The following SLC25A12 variants were observed in gnomAD, a reference collection of about 807,000 sequenced individuals.
SLC25A12 encodes solute carrier family 25 member 12.
Under a neutral mutation model 83.3 loss-of-function variants are expected in SLC25A12, and 32 were observed. That is an observed-to-expected ratio of 0.38 (90% CI 0.29 to 0.52). The LOEUF (loss-of-function observed/expected upper bound fraction) is 0.52. Among genes scored for constraint, SLC25A12 ranks in the 20% least tolerant of loss-of-function variants. SLC25A12 has a pLI of 0.84. For synonymous variants in SLC25A12, 267 were observed against 291.1 expected, an observed-to-expected ratio of 0.92 and a Z score of 0.84; for missense variants, 611 against 835.6, an observed-to-expected ratio of 0.73 and a Z score of 3.31.
In SLC25A12 at chr2:171,826,856, C is replaced by G; in HGVS notation, c.872G>C (p.Arg291Thr). 10 of 1,610,374 alleles carry G rather than the reference C, an allele frequency of 6.2e-6. No homozygotes were observed. The highest frequency in any genetic ancestry group is 7.6e-6 in the Non-Finnish European group (9 of 1,176,906). Reference sequence around the variant, plus strand: ...GGCCCCCTCAGCCAATGGGGCTATTCTCTCAATATCTGCCAAAGTCAAGCG... The same window carrying G: ...GGCCCCCTCAGCCAATGGGGCTATTGTCTCAATATCTGCCAAAGTCAAGCG... ...SGRLTLADIE[R>T]IAPLAEGALP... is the part of the protein sequence containing the mutation. Residue 291 changes from arginine (R) to threonine (T), a missense_variant, in exon 9 of 18, where the codon AGA becomes ACA. Transcript: ENST00000422440.
In SLC25A12 at chr2:171,785,112, A is replaced by C; in HGVS notation, c.*162T>G. ...AGCGTTGTGGTTTTTTCCCTGGGCA[A>C]ATGATTATTTTATAAACAAGTATAT... On this transcript the variant is annotated 3_prime_UTR_variant, in exon 18 of 18. Coordinates refer to ENST00000422440, the MANE Select transcript of SLC25A12 (RefSeq NM_003705.5). 1.5e-6 allele frequency: 1 copy of C among 685,300 alleles called. No homozygotes were observed. Among genetic ancestry groups the C allele is most frequent in the Non-Finnish European group, 2.5e-6 (1 of 392,736 alleles). 42.5% of individuals were successfully genotyped at this position (685,300 alleles called of 1,614,324 possible). A position where few individuals can be genotyped will look rare whatever the true frequency, so the allele number is the denominator to read the frequency against.
intron 8 of SLC25A12, among the ~76,000 whole-genome samples, chr2:171,833,701 CCCCTTTCCTT>C (rs1684496198): frequency 6.6e-6 from 1 of 152,062 alleles, no homozygotes; most frequent in Admixed American, 6.6e-5. Context: ...TCTCTTCCCT[CCCCTTTCCTT>C]CCCTTTCTTT....
intron 5 of SLC25A12, among the ~76,000 whole-genome samples, chr2:171,838,593 C>T (rs78894991): frequency 1.3e-5 from 2 of 152,248 alleles, no homozygotes; most frequent in South Asian, 4.1e-4. Context: ...ACAATTTAGC[C>T]TTATTAATAA....
chr2:171,837,281 A>T lies in SLC25A12; in HGVS notation c.466-14T>A, dbSNP rs1684579933. The T allele has an allele frequency of 6.2e-7, 1 of 1,613,948 alleles. No homozygotes were observed. The highest frequency in any genetic ancestry group is 8.5e-7 in the Non-Finnish European group (1 of 1,179,870). On this transcript the variant is annotated splice_polypyrimidine_tract_variant and intron_variant, in intron 5 of 17. Transcript: ENST00000422440. ...CAATTGCAGCTCCTGTGAGGAAATTAGAAATAGGGCATTAAGCTGGTTAAA... is the reference window on the plus strand; with the variant it reads ...CAATTGCAGCTCCTGTGAGGAAATTTGAAATAGGGCATTAAGCTGGTTAAA...
intron 3 of SLC25A12, among the ~76,000 whole-genome samples, chr2:171,867,848 T>A (rs191624708): frequency 8.3e-4 from 127 of 152,282 alleles, no homozygotes; most frequent in Middle Eastern, 3.4e-3. Context: ...AAATTTTTTT[T>A]AAATACATTT....
chr2:171,827,437 C>T (rs1030848793), intron 8 of SLC25A12, among the ~76,000 whole-genome samples: 55 of 151,800 alleles, frequency 3.6e-4, no homozygotes, highest in African/African-American at 1.3e-3. Flanking sequence ...TCTTCATTTG[C>T]GTAGGATGTA....
At chr2:171,804,069 G>C (rs1375034088) in intron 13 of SLC25A12, among the ~76,000 whole-genome samples, 1 of 151,948 alleles carries the variant, frequency 6.6e-6, no homozygotes, top group Non-Finnish European at 1.5e-5. Flanking sequence ...TAAGTCAAAA[G>C]GTAGAAACAA....
At chr2:171,851,174 A>ATGTT (rs1684919568) in intron 4 of SLC25A12, among the ~76,000 whole-genome samples, 1 of 151,634 alleles carries the variant, frequency 6.6e-6, no homozygotes, top group African/African-American at 2.4e-5. Context: ...AACAGACAAC[A>ATGTT]GTTTGTTGTG....
chr2:171,878,090 T>C (rs1057233393), intron 2 of SLC25A12, among the ~76,000 whole-genome samples: 19 of 152,300 alleles, frequency 1.2e-4, no homozygotes, highest in African/African-American at 3.4e-4. Context: ...TTTGCATTCA[T>C]TTTGAAACTG....
At chr2:171,855,095 T>C (rs905836533) in intron 4 of SLC25A12, among the ~76,000 whole-genome samples, 4 of 152,228 alleles carry the variant, frequency 2.6e-5, no homozygotes, top group Non-Finnish European at 5.9e-5. Context: ...GGGGCAGTGC[T>C]CAAGGTCCTT....
chr2:171,823,063 C>T (rs1684225827), intron 9 of SLC25A12, among the ~76,000 whole-genome samples: 2 of 152,180 alleles, frequency 1.3e-5, no homozygotes, highest in Non-Finnish European at 2.9e-5. Context: ...ATGTTAAAAA[C>T]TGAGTCACTA....
At chr2:171,846,762 C>T (rs193131142) in intron 4 of SLC25A12, among the ~76,000 whole-genome samples, 5 of 152,122 alleles carry the variant, frequency 3.3e-5, no homozygotes, top group Admixed American at 1.3e-4. Context: ...GCCAAGATTG[C>T]GCCACTGCAC....
Position 171,864,104 on chromosome 2 carries a change from C to T in SLC25A12, c.209+4577G>A, listed in dbSNP as rs146563578. Among the ~76,000 whole-genome samples, 48 of 152,322 alleles carry T rather than the reference C, an allele frequency of 3.2e-4. No homozygotes were observed. In the East Asian group the frequency reaches 9.1e-3, roughly 29 times the overall value. Reference sequence around the variant, plus strand: ...ATAGCTACCTAAATTGATTCTATTGCATGCGAGTCTTGTCCCATTCCAACC... The same window carrying T: ...ATAGCTACCTAAATTGATTCTATTGTATGCGAGTCTTGTCCCATTCCAACC... On this transcript the variant is annotated intron_variant, in intron 3 of 17. Coordinates refer to ENST00000422440, the MANE Select transcript of SLC25A12 (RefSeq NM_003705.5).
chr2:171,805,114 GTT>G (rs71013073), intron 13 of SLC25A12, among the ~76,000 whole-genome samples: 23 of 141,062 alleles, frequency 1.6e-4, no homozygotes, highest in South Asian at 2.3e-4. Flanking sequence ...TTTGTTTTTT[GTT>G]TTTTTTTTTT....
At chr2:171,811,638 C>A (rs1319830311) in intron 11 of SLC25A12, among the ~76,000 whole-genome samples, 2 of 152,120 alleles carry the variant, frequency 1.3e-5, no homozygotes, top group Admixed American at 1.3e-4. Context: ...TACAGGACTC[C>A]TACAATCTTC....
chr2:171,819,298 T>C (rs1167682159), intron 9 of SLC25A12, among the ~76,000 whole-genome samples: 1 of 128,162 alleles, frequency 7.8e-6, no homozygotes, highest in African/African-American at 2.9e-5. Context: ...ATACATAATA[T>C]AGAATTATAA....
chr2:171,839,263 T>C (rs1342267939), intron 5 of SLC25A12, among the ~76,000 whole-genome samples: 1 of 152,172 alleles, frequency 6.6e-6, no homozygotes, highest in African/African-American at 2.4e-5. Context: ...GGAAAAGAGT[T>C]AGAACAAACA....
intron 2 of SLC25A12, among the ~76,000 whole-genome samples, chr2:171,886,963 C>A (rs1685835815): frequency 6.6e-6 from 1 of 152,026 alleles, no homozygotes; most frequent in Admixed American, 6.6e-5. Context: ...ACTGTATCAC[C>A]CTTTAATACT....
chr2:171,867,044 G>C (rs1267226105), intron 3 of SLC25A12, among the ~76,000 whole-genome samples: 3 of 150,180 alleles, frequency 2.0e-5, no homozygotes, highest in Non-Finnish European at 3.0e-5. Flanking sequence ...GGGGCGGTGG[G>C]GCAGAGGCGC....
Sources: gnomAD v4.1 joint callset for allele counts (sites outside exome capture counted in the v4.1 genomes callset) on GRCh38, gnomAD v4.1.1 for gene constraint, MANE v1.5 for transcripts, NCBI Gene and HGNC (gene_info 2026-07-23, HGNC 2026-07-21) for gene names.